The following TCEA3 variants were observed in gnomAD, a reference collection of about 807,000 sequenced individuals.
The protein encoded by TCEA3 is transcription elongation factor A3, also known as transcription elongation factor A protein 3.
TCEA3 carries 36 observed loss-of-function variants against 44.0 expected under a neutral mutation model. The ratio of observed to expected loss-of-function variants is 0.82; its 90% CI spans 0.63 to 1.08. TCEA3 has a LOEUF of 1.08. TCEA3 is among the 50% of genes least tolerant of loss of function. The probability of loss-of-function intolerance (pLI) is 0.00; values close to 1 mark genes in which losing one functional copy is unlikely to be tolerated. For synonymous variants in TCEA3, 162 were observed against 159.7 expected, an observed-to-expected ratio of 1.01 and a Z score of -0.11; for missense variants, 392 against 441.2, an observed-to-expected ratio of 0.89 and a Z score of 1.00.
chr1:23,393,975 G>A lies in TCEA3; in HGVS notation c.723C>T (p.Arg241=), dbSNP rs1639140929. ...TCCTGGGGTCCTTGAGGTTGCTTATGCGGCTGCGCACGCGGTTCCGGTACT... is the reference window on the plus strand; with the variant it reads ...TCCTGGGGTCCTTGAGGTTGCTTATACGGCTGCGCACGCGGTTCCGGTACT... ...DMKYRNRVRS[R]ISNLKDPRNP... The change falls in exon 8 of 11, where the codon CGC becomes CGT. Residue 241 remains arginine (R), a synonymous_variant. Transcript: ENST00000450454. 6.2e-7 allele frequency: 1 copy of A among 1,614,020 alleles called. No homozygotes were observed. Among genetic ancestry groups the A allele is most frequent in the East Asian group, 2.2e-5 (1 of 44,882 alleles).
At chr1:23,385,477 C>A (rs1225405496) in intron 9 of TCEA3, among the ~76,000 whole-genome samples, 1 of 152,236 alleles carries the variant, frequency 6.6e-6, no homozygotes, top group Non-Finnish European at 1.5e-5. Context: ...TGGGAGAGAG[C>A]AGAAGCTTGC....
rs776420006 is a variant in TCEA3, at chr1:23,387,430, AAG to A, written c.820-13_820-12del. 6.9e-6 allele frequency: 11 copies of A among 1,588,292 alleles called. No individual in the cohort carries two copies. In the African/African-American group the frequency reaches 1.5e-4, roughly 21 times the overall value. On this transcript the variant is annotated splice_polypyrimidine_tract_variant and intron_variant, in intron 8 of 10. Transcript: ENST00000450454. ...ATCACTGGCCATTTCCTGGAGAAAA[AAG>A]AGTCTACCCTTCAGGGCTGAGGAGT...
At chr1:23,393,712 T>C (rs760894478) in intron 8 of TCEA3, among the ~76,000 whole-genome samples, 167 bp downstream of exon 8, 3 of 152,188 alleles carry the variant, frequency 2.0e-5, no homozygotes, top group Non-Finnish European at 2.9e-5. Context: ...CTATTAGCTG[T>C]GTTCAGTATC....
chr1:23,395,261 A>T (rs1639181617), intron 7 of TCEA3, among the ~76,000 whole-genome samples: 1 of 152,254 alleles, frequency 6.6e-6, no homozygotes, highest in African/African-American at 2.4e-5. Flanking sequence ...CGGAGCCAGC[A>T]GGGCTGGCGA....
chr1:23,389,460 G>T (rs181272080), intron 8 of TCEA3, among the ~76,000 whole-genome samples: 24 of 147,024 alleles, frequency 1.6e-4, no homozygotes, highest in Non-Finnish European at 3.0e-4. Context: ...TTGCACTCCC[G>T]CCTGGGCAAC....
In TCEA3 at chr1:23,415,832, AC is replaced by A. The variant is rs141684440; in HGVS notation, c.380+1416del. ...AACAGAACATAGAAAATGTGACAAA[AC>A]CATTTCACAGGCATTACCTTTTAAA... On this transcript the variant is annotated intron_variant, in intron 4 of 10. Coordinates refer to ENST00000450454, the MANE Select transcript of TCEA3 (RefSeq NM_003196.3). Among the ~76,000 whole-genome samples, 39 of 152,306 alleles carry A rather than the reference AC, an allele frequency of 2.6e-4. No individual in the cohort carries two copies. The East Asian group carries it at 7.5e-3, about 29-fold the overall frequency.
At chr1:23,385,138 G>A (rs1347988435) in intron 9 of TCEA3, among the ~76,000 whole-genome samples, 1 of 152,192 alleles carries the variant, frequency 6.6e-6, no homozygotes, top group Non-Finnish European at 1.5e-5. Flanking sequence ...GTATCCCACA[G>A]TAAAGCCCTG....
intron 7 of TCEA3, among the ~76,000 whole-genome samples, chr1:23,394,656 C>T (rs969450314): frequency 6.6e-5 from 10 of 152,204 alleles, no homozygotes; most frequent in African/African-American, 2.4e-4. Flanking sequence ...CTGTCCTTTC[C>T]CCTACAAGAC....
intron 9 of TCEA3, among the ~76,000 whole-genome samples, chr1:23,385,864 G>C (rs1366163847): frequency 6.6e-6 from 1 of 152,210 alleles, no homozygotes; most frequent in African/African-American, 2.4e-5. Context: ...GCAGAATGGT[G>C]TGGATCTTGT....
intron 5 of TCEA3, chr1:23,403,768 C>T: frequency 3.6e-6 from 1 of 275,994 alleles, no homozygotes; most frequent in South Asian, 7.6e-5. Context: ...GAGAGGTTTC[C>T]AGAGTCCTCC....
intron 4 of TCEA3, among the ~76,000 whole-genome samples, chr1:23,413,983 G>GATATAT (rs1311853612): frequency 3.3e-4 from 20 of 60,178 alleles, no homozygotes; most frequent in African/African-American, 9.9e-4. Flanking sequence ...AGTCTAGCAG[G>GATATAT]ATGTATATAT....
At chr1:23,384,170 C>T in intron 10 of TCEA3, 176 bp downstream of exon 10, 1 of 1,437,566 alleles carries the variant, frequency 7.0e-7, no homozygotes, top group Non-Finnish European at 9.1e-7. Flanking sequence ...CATGTGTGTT[C>T]TCTCCCCACC....
At chr1:23,381,774 G>A (rs1638677732) in intron 10 of TCEA3, among the ~76,000 whole-genome samples, 1 of 152,170 alleles carries the variant, frequency 6.6e-6, no homozygotes, top group Non-Finnish European at 1.5e-5. Flanking sequence ...TAATCACTTG[G>A]TTAGACTTTT....
At chr1:23,416,682 G>A (rs1297576817) in intron 4 of TCEA3, among the ~76,000 whole-genome samples, 3 of 151,976 alleles carry the variant, frequency 2.0e-5, no homozygotes, top group African/African-American at 7.3e-5. Context: ...TGTAGAGGCG[G>A]AGTTTTGCCA....
Position 23,387,261 on chromosome 1 carries a change from C to T in TCEA3, c.966+12G>A, listed in dbSNP as rs376843176. The T allele has an allele frequency of 5.5e-4, 892 of 1,613,122 alleles. 5 individuals are homozygous for T. Among genetic ancestry groups the T allele is most frequent in the South Asian group, 3.6e-3 (325 of 90,932 alleles). ...CTCCTGCACCTCCGGCCCGTCCCCT[C>T]ACTGTCCTTACCTGGTTATAGGTGC... On this transcript the variant is annotated intron_variant, in intron 9 of 10. Coordinates refer to ENST00000450454, the MANE Select transcript of TCEA3 (RefSeq NM_003196.3).
rs767013518 is a variant in TCEA3 at position 23,417,325 on chromosome 1, C to A, written c.304G>T (p.Gly102Trp). ...EREKAKKKEK[G>W]LECSDWKPEA... is the part of the protein sequence containing the mutation. ...GGCTTCCAGTCTGAACACTCAAGCC[C>A]TTTTTCCTTCTTCTTTGCCTTTTCT... The change falls in exon 4 of 11, where the codon GGG (glycine) becomes TGG (tryptophan). Residue 102 changes from glycine (G) to tryptophan (W), a missense_variant. Physicochemically the swap from Gly to Trp is radical, Grantham distance 184. Transcript: ENST00000450454. 1.9e-6 allele frequency: 3 copies of A among 1,614,006 alleles called. No individual in the cohort carries two copies. In the South Asian group the frequency reaches 3.3e-5, roughly 18 times the overall value.
chr1:23,411,141 C>T (rs1174116806), intron 4 of TCEA3: 2 of 174,080 alleles, frequency 1.1e-5, no homozygotes, highest in Non-Finnish European at 2.5e-5. Flanking sequence ...AAAAAGGGGT[C>T]TGGAATTTAT....
intron 5 of TCEA3, among the ~76,000 whole-genome samples, chr1:23,400,712 A>C (rs964782308): frequency 6.6e-6 from 1 of 152,180 alleles, no homozygotes; most frequent in East Asian, 1.9e-4. Context: ...GAAAAAATTA[A>C]GGTCCCCTCC....
Position 23,418,019 on chromosome 1 carries a change from G to A in TCEA3, c.133-10C>T. The A allele has an allele frequency of 6.2e-7, 1 of 1,613,662 alleles. No homozygotes were observed. Among genetic ancestry groups the A allele is most frequent in the Non-Finnish European group, 8.5e-7 (1 of 1,179,548 alleles). On this transcript the variant is annotated splice_polypyrimidine_tract_variant and intron_variant, in intron 2 of 10. Coordinates refer to ENST00000450454, the MANE Select transcript of TCEA3 (RefSeq NM_003196.3). ...CTCCAATCCTGGTTGTCTGCAAAGTGAGAGGGTTAAGGCATAATCTGGGAA... is the reference window on the plus strand; with the variant it reads ...CTCCAATCCTGGTTGTCTGCAAAGTAAGAGGGTTAAGGCATAATCTGGGAA...
Sources: gnomAD v4.1 joint callset for allele counts (sites outside exome capture counted in the v4.1 genomes callset) on GRCh38, gnomAD v4.1.1 for gene constraint, MANE v1.5 for transcripts, NCBI Gene and HGNC (gene_info 2026-07-23, HGNC 2026-07-21) for gene names.